Variants in MINPP1 observed in about 807,000 individuals in gnomAD.
MINPP1 encodes multiple inositol polyphosphate phosphatase 1.
In MINPP1, 28 loss-of-function variants were observed where a neutral mutation model predicts 46.1. The ratio of observed to expected loss-of-function variants is 0.61; its 90% confidence interval spans 0.45 to 0.83. MINPP1 has a LOEUF of 0.83. MINPP1 is among the 40% of genes least tolerant of loss of function. The pLI is 0.00. For synonymous variants in MINPP1, 268 were observed against 249.1 expected, an observed-to-expected ratio of 1.08 and a Z score of -0.72; for missense variants, 603 against 610.0, an observed-to-expected ratio of 0.99 and a Z score of 0.12.
chr10:87,505,307 T>C lies in MINPP1; in HGVS notation c.392T>C (p.Leu131Pro). ...GGCAGCCGCGACCTGGGTGCAGCGC[T>C]GGCCGACTGGCCTTTGTGGTACGCG... Reference protein sequence around the residue: ...STGSRDLGAALADWPLWYADW... With the variant: ...STGSRDLGAAPADWPLWYADW... Residue 131 changes from leucine (L) to proline (P), a missense_variant, in exon 1 of 5, where the codon CTG becomes CCG. Around this residue, in one of 3 missense-constraint regions of MINPP1, gnomAD observed 239 missense variants for 189.4 expected, o/e 1.26. Transcript: ENST00000371996. The surrounding 1 kb of genome is among the most constrained non-coding windows in gnomAD (Gnocchi z 4.4). 1 of 1,612,064 alleles carries C rather than the reference T, an allele frequency of 6.2e-7. No homozygotes were observed. The highest frequency in any genetic ancestry group is 8.5e-7 in the Non-Finnish European group (1 of 1,178,490).
At chr10:87,509,543 C>T (rs542211754) in intron 2 of MINPP1, among the ~76,000 whole-genome samples, 89 of 152,318 alleles carry the variant, frequency 5.8e-4, no homozygotes, top group African/African-American at 2.0e-3. Flanking sequence ...CTTGGTTTTA[C>T]TAAATTTTAA....
intron 3 of MINPP1, among the ~76,000 whole-genome samples, chr10:87,518,493 C>T (rs1851446695): frequency 6.6e-6 from 1 of 152,064 alleles, no homozygotes; most frequent in South Asian, 2.1e-4. Context: ...TTTACTCTCA[C>T]ACCACCATCA....
At chr10:87,545,077 T>G (rs1851868365) in intron 4 of MINPP1, among the ~76,000 whole-genome samples, 1 of 152,294 alleles carries the variant, frequency 6.6e-6, no homozygotes, top group African/African-American at 2.4e-5. Context: ...AAGTCAGATT[T>G]TAAAAATTGT....
rs574629724 is a variant in MINPP1 at position 87,528,173 on chromosome 10, A to AT, written c.1067+7012dup. Among the ~76,000 whole-genome samples, 282 of 151,796 alleles carry AT rather than the reference A, an allele frequency of 1.9e-3. 3 individuals carry two copies. The highest frequency in any genetic ancestry group is 0.014 in the Middle Eastern group (4 of 294). ...AAAAACCCACCTCCTAGATTCACTG[A>AT]TTTTTTTTGAAGGGTTTTTTGTGTC... On this transcript the variant is annotated intron_variant, in intron 4 of 4. Coordinates refer to ENST00000371996, the MANE Select transcript of MINPP1 (RefSeq NM_004897.5).
At chr10:87,538,153 G>T (rs79383802) in intron 4 of MINPP1, among the ~76,000 whole-genome samples, 1 of 148,814 alleles carries the variant, frequency 6.7e-6, no homozygotes, top group Non-Finnish European at 1.5e-5. Flanking sequence ...TTTTTTCTCC[G>T]GGATTTGGAT....
At chr10:87,518,702 G>A (rs894474466) in intron 3 of MINPP1, among the ~76,000 whole-genome samples, 1 of 152,174 alleles carries the variant, frequency 6.6e-6, no homozygotes, top group Non-Finnish European at 1.5e-5. Context: ...CTTCAAGTTG[G>A]CGTTCCCATG....
At chr10:87,543,115 G>C (rs148465711) in intron 4 of MINPP1, among the ~76,000 whole-genome samples, 71 of 152,264 alleles carry the variant, frequency 4.7e-4, no homozygotes, top group African/African-American at 1.7e-3. Flanking sequence ...CAAAGAACCT[G>C]GCTGTACTGT....
Position 87,518,052 on chromosome 10 carries a change from C to G in MINPP1, c.934-2984C>G, listed in dbSNP as rs1407769895. On this transcript the variant is annotated intron_variant, in intron 3 of 4. Coordinates refer to ENST00000371996, the MANE Select transcript of MINPP1 (RefSeq NM_004897.5). ...TCGGCTCACTGCAAGCTCCACCTCC[C>G]GGGTTCAAGCCATTCTGCTGCCTCA... Among the ~76,000 whole-genome samples, 5 of 148,234 alleles carry G rather than the reference C, an allele frequency of 3.4e-5. No individual in the cohort carries two copies. In the East Asian group the frequency reaches 1.0e-3, roughly 30 times the overall value.
chr10:87,529,997 G>A (rs1008932754), intron 4 of MINPP1, among the ~76,000 whole-genome samples: 10 of 151,880 alleles, frequency 6.6e-5, no homozygotes, highest in Non-Finnish European at 1.0e-4. Flanking sequence ...TGATTGAATC[G>A]GCTACTGAAG....
At chr10:87,514,224 T>C (rs893410690) in intron 3 of MINPP1, among the ~76,000 whole-genome samples, 1 of 152,152 alleles carries the variant, frequency 6.6e-6, no homozygotes, top group Non-Finnish European at 1.5e-5. Context: ...AATCTTTTTT[T>C]CCCCGCCCCA....
chr10:87,535,273 C>T (rs1010365957), intron 4 of MINPP1, among the ~76,000 whole-genome samples: 1 of 152,218 alleles, frequency 6.6e-6, no homozygotes, highest in Non-Finnish European at 1.5e-5. Flanking sequence ...TCAGGTAATA[C>T]TCATGTTTCA....
chr10:87,525,588 G>C (rs1046328600), intron 4 of MINPP1, among the ~76,000 whole-genome samples: 1 of 151,866 alleles, frequency 6.6e-6, no homozygotes, highest in Non-Finnish European at 1.5e-5. Context: ...GGGTACATGT[G>C]CACAATGTGC....
In MINPP1 at chr10:87,520,320, T is replaced by C. The variant is rs116441149; in HGVS notation, c.934-716T>C. On this transcript the variant is annotated intron_variant, in intron 3 of 4. Transcript: ENST00000371996. ...AAGCAGTGCTACTATAAGTCATTCT[T>C]GTACATTCTCCCTGGTGTTCCTCTG... Among the ~76,000 whole-genome samples, 1,479 of 152,272 alleles carry C rather than the reference T, an allele frequency of 9.7e-3. 24 individuals carry two copies. The highest frequency in any genetic ancestry group is 0.034 in the African/African-American group (1,394 of 41,542).
intron 4 of MINPP1, among the ~76,000 whole-genome samples, chr10:87,545,309 T>C (rs1231636350): frequency 6.6e-6 from 1 of 152,122 alleles, no homozygotes; most frequent in African/African-American, 2.4e-5. Flanking sequence ...TTCTTGACTT[T>C]TTTTTTAAAA....
At chr10:87,533,022 A>C (rs1851681978) in intron 4 of MINPP1, among the ~76,000 whole-genome samples, 1 of 151,490 alleles carries the variant, frequency 6.6e-6, no homozygotes, top group African/African-American at 2.4e-5. Context: ...CTTTTTTTAA[A>C]TTTGGAATTA....
At chr10:87,549,852 TA>T in intron 4 of MINPP1, among the ~76,000 whole-genome samples, 1 of 152,356 alleles carries the variant, frequency 6.6e-6, no homozygotes, top group Admixed American at 6.5e-5. Context: ...CTAAAGGATT[TA>T]AAATGTAAAC....
In MINPP1 at chr10:87,552,566, A is replaced by G. The variant is rs1016292219; in HGVS notation, c.*88A>G. ...GGTAGGCAATTCCTTGATTACAGGA[A>G]GCTTTTATATTACTTGAGTATTTCT... On this transcript the variant is annotated 3_prime_UTR_variant, in exon 5 of 5. Coordinates refer to ENST00000371996, the MANE Select transcript of MINPP1 (RefSeq NM_004897.5). 7.6e-6 allele frequency: 10 copies of G among 1,312,074 alleles called. No individual in the cohort carries two copies. The East Asian group carries it at 2.3e-4, about 30-fold the overall frequency. 81.3% of individuals were successfully genotyped at this position (1,312,074 alleles called of 1,614,324 possible).
intron 3 of MINPP1, among the ~76,000 whole-genome samples, chr10:87,517,897 A>G (rs1373502709): frequency 4.7e-5 from 7 of 150,204 alleles, no homozygotes; most frequent in Non-Finnish European, 8.9e-5. Context: ...CTTGACCTCA[A>G]GGGAGCCACT....
chr10:87,508,088 A>ATCTCT (rs1343290817), intron 1 of MINPP1: 1 of 1,489,882 alleles, frequency 6.7e-7, no homozygotes, highest in Non-Finnish European at 8.9e-7. Flanking sequence ...ATTGCGTAGC[A>ATCTCT]TCTCTACAAC....
Sources: allele counts gnomAD v4.1 joint callset (sites outside exome capture counted in the v4.1 genomes callset), GRCh38; gene constraint gnomAD v4.1.1; regional missense constraint gnomAD v4.1.1; non-coding constraint Gnocchi (gnomAD v3.1); transcripts MANE v1.5; gene names NCBI Gene and HGNC (gene_info 2026-07-23, HGNC 2026-07-21).